The following CLPX variants were observed in gnomAD, a reference collection of about 807,000 sequenced individuals.
CLPX encodes caseinolytic mitochondrial matrix peptidase chaperone subunit X.
Under a neutral mutation model 76.4 loss-of-function variants are expected in CLPX, and 34 were observed. The observed-to-expected ratio is 0.45, with a 90% confidence interval of 0.34 to 0.59. The LOEUF (loss-of-function observed/expected upper bound fraction) is 0.59. Among genes scored for constraint, CLPX ranks in the 20% least tolerant of loss-of-function variants. The pLI, the probability that CLPX is intolerant of heterozygous loss-of-function variation, is 0.01. For synonymous variants in CLPX, 248 were observed against 270.9 expected, an observed-to-expected ratio of 0.92 and a Z score of 0.83; for missense variants, 613 against 757.0, an observed-to-expected ratio of 0.81 and a Z score of 2.23.
At chr15:65,170,531 G>A (rs1011515116) in intron 3 of CLPX, among the ~76,000 whole-genome samples, 10 of 152,028 alleles carry the variant, frequency 6.6e-5, no homozygotes, top group Admixed American at 2.0e-4. Context: ...TTGGGAGGCC[G>A]AGGCGGGTGG....
At chr15:65,158,869 C>A in intron 6 of CLPX, 118 bp from the exon 7 acceptor site, 1 of 813,910 alleles carries the variant, frequency 1.2e-6, no homozygotes, top group South Asian at 2.2e-5. Context: ...AGTATTTTGA[C>A]ATTCTGTCTT....
intron 10 of CLPX, 88 bp from the exon 11 acceptor site, chr15:65,155,169 G>GT (rs2087771895): frequency 2.7e-6 from 3 of 1,112,784 alleles, no homozygotes; most frequent in Non-Finnish European, 3.8e-6. Flanking sequence ...TATGATCTTT[G>GT]TAACAACTCT....
chr15:65,163,604 A>G (rs537164207), intron 5 of CLPX, among the ~76,000 whole-genome samples: 2 of 152,166 alleles, frequency 1.3e-5, no homozygotes, highest in African/African-American at 4.8e-5. Context: ...AATTGAGATT[A>G]TACAGTATAC....
chr15:65,174,948 A>AT (rs1197102304), intron 3 of CLPX, among the ~76,000 whole-genome samples: 2 of 152,212 alleles, frequency 1.3e-5, no homozygotes, highest in Admixed American at 1.3e-4. Flanking sequence ...TGAATATGCT[A>AT]TTTATACTTT....
intron 3 of CLPX, among the ~76,000 whole-genome samples, chr15:65,174,922 G>T (rs567758082): frequency 4.5e-4 from 69 of 152,134 alleles, no homozygotes; most frequent in Admixed American, 7.9e-4. Context: ...CTGAAAACAA[G>T]CAATTTGCAA....
At chr15:65,154,217 A>C (rs866713901) in intron 11 of CLPX, among the ~76,000 whole-genome samples, 1 of 152,232 alleles carries the variant, frequency 6.6e-6, no homozygotes, top group South Asian at 2.1e-4. Flanking sequence ...TCACAGACAG[A>C]CATGAGACAG....
intron 3 of CLPX, among the ~76,000 whole-genome samples, chr15:65,171,960 G>A (rs1377304552): frequency 4.0e-5 from 6 of 151,368 alleles, no homozygotes; most frequent in Admixed American, 6.6e-5. Flanking sequence ...TGCTATTTTG[G>A]GAAAAAAAAA....
chr15:65,173,118 C>T (rs2088034186), intron 3 of CLPX, among the ~76,000 whole-genome samples: 1 of 152,070 alleles, frequency 6.6e-6, no homozygotes, highest in Admixed American at 6.5e-5. Context: ...GCCTGTAATC[C>T]CAGCATTCTG....
intron 8 of CLPX, 60 bp downstream of exon 8, chr15:65,157,684 CTT>C: frequency 7.0e-7 from 1 of 1,418,586 alleles, no homozygotes; most frequent in Non-Finnish European, 9.5e-7. Flanking sequence ...TATATTGTCT[CTT>C]AATATTAGAC....
rs186431400 is a variant in CLPX at position 65,181,940 on chromosome 15, G to A, written c.80-1736C>T. ...AGATCGAGACCATCCTGGCTAATACGGTGCAACCCCATCTCTACTAAAAAT... is the reference window on the plus strand; with the variant it reads ...AGATCGAGACCATCCTGGCTAATACAGTGCAACCCCATCTCTACTAAAAAT... On this transcript the variant is annotated intron_variant, in intron 1 of 13. Transcript: ENST00000300107. Among the ~76,000 whole-genome samples the A allele has an allele frequency of 4.8e-4, 73 of 151,306 alleles. 1 individual carries two copies. Among genetic ancestry groups the A allele is most frequent in the Admixed American group, 4.4e-3 (66 of 15,158 alleles).
rs1234286522 is a variant in CLPX at position 65,185,140 on chromosome 15, C to A, written c.14G>T (p.Gly5Val). ...GGCCGCCGCGCCGCAAGTACAAGCA[C>A]CGCAGCTGGGCATCTCCGCGAGGCC... MPSC[G>V]ACTCGAAAVR... Residue 5 changes from glycine to valine, a missense_variant, in exon 1 of 14, where the codon GGT becomes GTT. This residue lies in a region of CLPX where 163 missense variants were observed against 118.4 expected (regional missense o/e 1.38). Coordinates refer to ENST00000300107, the MANE Select transcript of CLPX (RefSeq NM_006660.5). 2 of 1,572,314 alleles carry A rather than the reference C, an allele frequency of 1.3e-6. No homozygotes were observed. Among genetic ancestry groups the A allele is most frequent in the East Asian group, 2.3e-5 (1 of 43,290 alleles).
intron 3 of CLPX, among the ~76,000 whole-genome samples, chr15:65,178,474 C>T (rs930572801): frequency 6.6e-6 from 1 of 152,122 alleles, no homozygotes; most frequent in Admixed American, 6.5e-5. Context: ...TAAGCTCATA[C>T]AATTTACATA....
chr15:65,176,477 T>C (rs2088092414), intron 3 of CLPX, among the ~76,000 whole-genome samples: 1 of 152,342 alleles, frequency 6.6e-6, no homozygotes, highest in African/African-American at 2.4e-5. Context: ...AAAAGGAGAA[T>C]ACTCTTTGTT....
At chr15:65,172,021 G>A (rs2088014987) in intron 3 of CLPX, among the ~76,000 whole-genome samples, 1 of 152,144 alleles carries the variant, frequency 6.6e-6, no homozygotes, top group Admixed American at 6.5e-5. Context: ...TTGAGACAGA[G>A]TTTCACTCTT....
chr15:65,179,075 A>G, intron 2 of CLPX, 24 bp from the exon 3 acceptor site: 1 of 1,435,558 alleles, frequency 7.0e-7, no homozygotes, highest in Non-Finnish European at 9.8e-7. Flanking sequence ...AGGAGAAAAA[A>G]GGAAGAGTGT....
intron 6 of CLPX, among the ~76,000 whole-genome samples, chr15:65,160,623 TCACACACACACACACACACA>T: frequency 9.9e-6 from 1 of 100,970 alleles, no homozygotes; most frequent in Non-Finnish European, 2.1e-5. Flanking sequence ...TCTCTCTCTC[TCACACACACACACACACACA>T]CACACACACA....
intron 8 of CLPX, among the ~76,000 whole-genome samples, chr15:65,157,196 A>G (rs61207460): frequency 0.012 from 1,833 of 152,354 alleles, 32 homozygotes; most frequent in African/African-American, 0.043. Context: ...ACTAATGTAT[A>G]TGAATTCTTT....
rs757979084 is a variant in CLPX, at chr15:65,150,930, T to G, written c.1812-17A>C. 21 of 1,563,768 alleles carry G rather than the reference T, an allele frequency of 1.3e-5. No homozygotes were observed. In the Admixed American group the frequency reaches 3.7e-4, roughly 28 times the overall value. On this transcript the variant is annotated splice_polypyrimidine_tract_variant and intron_variant, in intron 13 of 13. Coordinates refer to ENST00000300107, the MANE Select transcript of CLPX (RefSeq NM_006660.5). ...GTTGGAGCCCTACAATGAAAAGCCATGTTTGTTTTTTTAAAATAAAAAATG... is the reference window on the plus strand; with the variant it reads ...GTTGGAGCCCTACAATGAAAAGCCAGGTTTGTTTTTTTAAAATAAAAAATG...
intron 1 of CLPX, 32 bp downstream of exon 1, chr15:65,185,043 C>A (rs773877362): frequency 7.3e-7 from 1 of 1,376,978 alleles, no homozygotes; most frequent in South Asian, 1.2e-5. Flanking sequence ...CCCCGACAGG[C>A]TGAGGGCTCA....
Sources: gnomAD v4.1 joint callset for allele counts (sites outside exome capture counted in the v4.1 genomes callset) on GRCh38, gnomAD v4.1.1 for gene constraint, gnomAD v4.1.1 regional missense constraint, MANE v1.5 for transcripts, NCBI Gene and HGNC (gene_info 2026-07-23, HGNC 2026-07-21) for gene names.